Variants in PTPRD observed in about 807,000 individuals in gnomAD.
The protein encoded by PTPRD is protein tyrosine phosphatase receptor type D.
Under a neutral mutation model 214.5 loss-of-function variants are expected in PTPRD, and 34 were observed. The ratio of observed to expected loss-of-function variants is 0.16; its 90% CI spans 0.12 to 0.21. The LOEUF (loss-of-function observed/expected upper bound fraction) is 0.21. Among genes scored for constraint, PTPRD ranks in the 10% least tolerant of loss-of-function variants. The probability of loss-of-function intolerance (pLI) is 1.00; values close to 1 mark genes in which losing one functional copy is unlikely to be tolerated. For synonymous variants in PTPRD, 1,128 were observed against 845.7 expected (o/e 1.33, Z -5.79); for missense variants, 2,545 against 2,398.7 (o/e 1.06, Z -1.27).
At chr9:10,568,248 A>G (rs2066293119) in intron 2 of PTPRD, among the ~76,000 whole-genome samples, 1 of 152,076 alleles carries the variant, frequency 6.6e-6, no homozygotes, top group South Asian at 2.1e-4. Context: ...TAGTTTGCCA[A>G]GAATGATGGT....
intron 5 of PTPRD, among the ~76,000 whole-genome samples, chr9:9,769,778 G>A (rs1032016194): frequency 6.6e-6 from 1 of 151,440 alleles, no homozygotes; most frequent in Non-Finnish European, 1.5e-5. Flanking sequence ...CCCACCAACA[G>A]GCCCCGGTGT....
chr9:8,727,159 C>G (rs934813135), intron 12 of PTPRD, among the ~76,000 whole-genome samples: 2 of 152,146 alleles, frequency 1.3e-5, no homozygotes, highest in African/African-American at 4.8e-5. Context: ...ATTGTTCCAT[C>G]CTTAGAGTTT....
chr9:8,646,197 A>G (rs2096685830), intron 12 of PTPRD, among the ~76,000 whole-genome samples: 1 of 152,192 alleles, frequency 6.6e-6, no homozygotes. Flanking sequence ...TTACTGAATG[A>G]TGCCATGATA....
Position 9,239,195 on chromosome 9 carries a change from T to C in PTPRD, c.-202-55832A>G, listed in dbSNP as rs530043191. On this transcript the variant is annotated intron_variant, in intron 9 of 45. Coordinates refer to ENST00000381196, the MANE Select transcript of PTPRD (RefSeq NM_002839.4). ...AATACAAACTTCAGGGAGATGACTG[T>C]CTGAAAAAAAAAAAAACCACAAGTA... 1.2e-3 allele frequency among the ~76,000 whole-genome samples: 173 copies of C among 143,484 alleles called. 1 individual carries two copies. Among genetic ancestry groups the C allele is most frequent in the African/African-American group, 4.1e-3 (159 of 39,132 alleles). 94.1% of individuals were successfully genotyped at this position (143,484 alleles called of 152,430 possible). A position where few individuals can be genotyped will look rare whatever the true frequency, so the allele number is the denominator to read the frequency against.
intron 8 of PTPRD, among the ~76,000 whole-genome samples, chr9:9,486,168 A>G (rs1169708314): frequency 6.9e-6 from 1 of 144,142 alleles, no homozygotes; most frequent in Non-Finnish European, 1.5e-5. Context: ...AAAAAAAAAA[A>G]AAAAAAAAAA....
intron 8 of PTPRD, among the ~76,000 whole-genome samples, chr9:9,470,204 T>A (rs1427126049): frequency 6.6e-6 from 1 of 152,142 alleles, no homozygotes; most frequent in Non-Finnish European, 1.5e-5. Flanking sequence ...GATATTAGAT[T>A]TATATTTGTA....
intron 3 of PTPRD, among the ~76,000 whole-genome samples, chr9:10,160,777 C>T (rs2099122900): frequency 6.6e-6 from 1 of 151,792 alleles, no homozygotes; most frequent in African/African-American, 2.4e-5. Context: ...GGAAGAAAAA[C>T]TAAAATTAGT....
chr9:8,477,879 G>A (rs2096797043), intron 30 of PTPRD, among the ~76,000 whole-genome samples: 1 of 152,242 alleles, frequency 6.6e-6, no homozygotes, highest in Admixed American at 6.5e-5. Context: ...CAGAACATAG[G>A]CTCTGGAGCC....
At position 8,894,747 on chromosome 9, in the gene PTPRD, A is replaced by G. The variant is rs142559890; in HGVS notation, c.-104+123950T>C. Among the ~76,000 whole-genome samples the G allele has an allele frequency of 4.1e-4, 62 of 152,336 alleles. No homozygotes were observed. In the East Asian group the frequency reaches 7.1e-3, roughly 18 times the overall value. On this transcript the variant is annotated intron_variant, in intron 11 of 45. Transcript: ENST00000381196. ...AAGTAGTTTTGGGGTAAAACGGCGT[A>G]TTAACATTTATTTACTCTTGGTTGA... is the stretch of plus-strand genomic sequence containing the variant.
chr9:9,801,868 T>C (rs1165195412), intron 5 of PTPRD, among the ~76,000 whole-genome samples: 1 of 152,066 alleles, frequency 6.6e-6, no homozygotes, highest in Admixed American at 6.6e-5. Context: ...AGGATACATG[T>C]TGGCACAAAA....
chr9:10,570,968 C>T (rs760984443), intron 2 of PTPRD, among the ~76,000 whole-genome samples: 11 of 151,708 alleles, frequency 7.3e-5, no homozygotes, highest in Admixed American at 1.3e-4. Flanking sequence ...ATGAAGGCCT[C>T]AAACCCATAA....
chr9:9,684,195 C>T (rs1331814660), intron 7 of PTPRD, among the ~76,000 whole-genome samples: 2 of 151,630 alleles, frequency 1.3e-5, no homozygotes, highest in Non-Finnish European at 3.0e-5. Flanking sequence ...CATTTTATGT[C>T]ACTCAAGGAA....
intron 43 of PTPRD, 144 bp downstream of exon 43, chr9:8,338,778 T>TAAAA: frequency 1.7e-6 from 1 of 582,250 alleles, no homozygotes; most frequent in Non-Finnish European, 2.7e-6. Flanking sequence ...ATATTAAACA[T>TAAAA]AAAAAAAAAC....
intron 9 of PTPRD, among the ~76,000 whole-genome samples, chr9:9,279,111 T>C (rs1946725956): frequency 6.6e-6 from 1 of 151,064 alleles, no homozygotes; most frequent in South Asian, 2.1e-4. Context: ...CTGTCCATAT[T>C]TTTGTGCCAT....
intron 11 of PTPRD, among the ~76,000 whole-genome samples, chr9:8,924,793 T>C (rs1299446440): frequency 1.3e-5 from 2 of 152,190 alleles, no homozygotes; most frequent in Non-Finnish European, 2.9e-5. Flanking sequence ...AGATGTGAAC[T>C]AGGCTAGAAC....
intron 11 of PTPRD, among the ~76,000 whole-genome samples, chr9:8,821,982 AG>A (rs1316513799): frequency 6.6e-6 from 1 of 152,182 alleles, no homozygotes. Flanking sequence ...CTCTTTAACA[AG>A]GCAAAAGTCT....
intron 14 of PTPRD, among the ~76,000 whole-genome samples, chr9:8,534,400 T>C (rs1051968555): frequency 7.2e-5 from 11 of 151,894 alleles, no homozygotes; most frequent in African/African-American, 2.4e-4. Flanking sequence ...CTCAGTTTTT[T>C]TGTTGAGGCA....
intron 11 of PTPRD, among the ~76,000 whole-genome samples, chr9:8,915,724 A>C (rs1225168919): frequency 6.6e-6 from 1 of 152,172 alleles, no homozygotes. Flanking sequence ...GCTCCAGGCA[A>C]TCAGGCAGGA....
rs560118674 is a variant in PTPRD at position 10,552,479 on chromosome 9, TC to T, written c.-600+59918del. Among the ~76,000 whole-genome samples the T allele has an allele frequency of 2.3e-4, 35 of 152,272 alleles. No individual in the cohort carries two copies. In the East Asian group the frequency reaches 6.2e-3, roughly 27 times the overall value. The stretch of plus-strand genomic sequence containing the variant: ...TCTTCTCATTCTTCTGTCTTTTTTT[TC>T]TACATGATCATGTGTAACAGTGTCT... On this transcript the variant is annotated intron_variant, in intron 2 of 45. Transcript: ENST00000381196.
Sources: allele counts gnomAD v4.1 joint callset (sites outside exome capture counted in the v4.1 genomes callset), GRCh38; gene constraint gnomAD v4.1.1; transcripts MANE v1.5; gene names NCBI Gene and HGNC (gene_info 2026-07-23, HGNC 2026-07-21).